The following ESR2 variants were observed in gnomAD, a reference collection of about 807,000 sequenced individuals.
ESR2 encodes estrogen receptor beta.
In ESR2, 36 loss-of-function variants were observed where a neutral mutation model predicts 49.6. That is an observed-to-expected ratio of 0.73 (90% confidence interval 0.56 to 0.96). The LOEUF (loss-of-function observed/expected upper bound fraction) is 0.96, where lower values mean the gene tolerates loss of function less well. ESR2 is among the 40% of genes least tolerant of loss of function. The probability of loss-of-function intolerance (pLI) is 0.00; values close to 1 mark genes in which losing one functional copy is unlikely to be tolerated. For missense variants in ESR2, 714 were observed against 693.0 expected (o/e 1.03, Z -0.34); for synonymous variants, 320 against 266.1 (o/e 1.20, Z -1.97).
chr14:64,307,200 A>AATTT (rs755253492), intron 1 of ESR2, among the ~76,000 whole-genome samples: 2,187 of 150,846 alleles, frequency 0.014, 61 homozygotes, highest in East Asian at 0.088. Context: ...AATTTAATTT[A>AATTT]ATTTATTTAT....
intron 6 of ESR2, among the ~76,000 whole-genome samples, chr14:64,256,394 A>G (rs2076095805): frequency 1.3e-5 from 2 of 152,114 alleles, no homozygotes; most frequent in Admixed American, 1.3e-4. Context: ...CCTTCCTTCC[A>G]CCGCTATTGC....
At chr14:64,296,636 G>T (rs530723905), upstream of ESR2, among the ~76,000 whole-genome samples, 93 of 152,298 alleles carry the variant, frequency 6.1e-4, no homozygotes, top group African/African-American at 2.2e-3. Flanking sequence ...TTGACTCTCT[G>T]CTCTATGCAG....
intron 6 of ESR2, among the ~76,000 whole-genome samples, chr14:64,255,608 A>G (rs987509815): frequency 6.6e-6 from 1 of 152,228 alleles, no homozygotes; most frequent in African/African-American, 2.4e-5. Context: ...ACCTGTAAGC[A>G]GGTTTCTCAA....
chr14:64,252,654 C>T (rs1402247365), intron 6 of ESR2, among the ~76,000 whole-genome samples: 1 of 152,112 alleles, frequency 6.6e-6, no homozygotes, highest in Non-Finnish European at 1.5e-5. Context: ...AGTGACTGAG[C>T]AAGACAGCCG....
At chr14:64,272,102 G>A (rs932704827) in intron 3 of ESR2, among the ~76,000 whole-genome samples, 3 of 152,120 alleles carry the variant, frequency 2.0e-5, no homozygotes, top group South Asian at 2.1e-4. Flanking sequence ...CTACTTTGGG[G>A]TAAGATGGTA....
At position 64,310,010 on chromosome 14, in the gene ESR2, C is replaced by T. The variant is rs374680707; in HGVS notation, c.-90-26935G>A. Among the ~76,000 whole-genome samples, 3 of 151,898 alleles carry T rather than the reference C, an allele frequency of 2.0e-5. No individual in the cohort carries two copies. The East Asian group carries it at 5.8e-4, about 29-fold the overall frequency. On this transcript the variant is annotated intron_variant, in intron 1 of 8. Coordinates refer to the ESR2 transcript ENST00000358599. ...CTGAGACAGGAGAATGGCGTGAACC[C>T]GGGAAGCAGAGTTTGCAGTGAGCCG... is the stretch of plus-strand genomic sequence containing the variant.
chr14:64,234,938 G>A (rs1369678323), intron 8 of ESR2, 32 bp downstream of exon 8: 4 of 1,604,036 alleles, frequency 2.5e-6, no homozygotes, highest in East Asian at 2.2e-5. Flanking sequence ...CCCATCCCAA[G>A]CCCAAGCAGA....
At chr14:64,237,239 C>A (rs531030230) in intron 7 of ESR2, among the ~76,000 whole-genome samples, 1 of 152,166 alleles carries the variant, frequency 6.6e-6, no homozygotes, top group Admixed American at 6.5e-5. Flanking sequence ...GGATTACAAG[C>A]GTGAGCCACT....
intron 1 of ESR2, among the ~76,000 whole-genome samples, chr14:64,310,054 G>A (rs1400667853): frequency 6.6e-6 from 1 of 151,500 alleles, no homozygotes; most frequent in Non-Finnish European, 1.5e-5. Context: ...CCACTGTACT[G>A]CAGCCTGGGC....
At chr14:64,334,318 T>G in intron 1 of ESR2, among the ~76,000 whole-genome samples, 1 of 152,220 alleles carries the variant, frequency 6.6e-6, no homozygotes, top group East Asian at 1.9e-4. Flanking sequence ...TTTGAGACAC[T>G]GATTGACTGA....
rs1239710240 is a variant in ESR2, at chr14:64,264,890, GA to G, written c.652+3904del. Among the ~76,000 whole-genome samples the G allele has an allele frequency of 8.0e-3, 940 of 117,172 alleles. 13 individuals carry two copies. Among genetic ancestry groups the G allele is most frequent in the African/African-American group, 0.027 (819 of 30,754 alleles). The allele number at this position is 117,172 out of a possible 152,430, so 76.9% of individuals were successfully genotyped here. A position where few individuals can be genotyped will look rare whatever the true frequency, so the allele number is the denominator to read the frequency against. ...ATACCCTGTCTCAAAAAAAAAAAAAGAAAAAAAAAAAAGCACCTTTCTGATC... is the reference window on the plus strand; with the variant it reads ...ATACCCTGTCTCAAAAAAAAAAAAAGAAAAAAAAAAAGCACCTTTCTGATC... On this transcript the variant is annotated intron_variant, in intron 4 of 8. Transcript: ENST00000341099.
At chr14:64,300,206 C>G (rs1439772669) in intron 1 of ESR2, among the ~76,000 whole-genome samples, 1 of 152,152 alleles carries the variant, frequency 6.6e-6, no homozygotes, top group Non-Finnish European at 1.5e-5. Context: ...GGGTGTTTTC[C>G]AGATTTGCAC....
chr14:64,248,191 C>T (rs528369283), intron 7 of ESR2, among the ~76,000 whole-genome samples: 1 of 151,858 alleles, frequency 6.6e-6, no homozygotes, highest in South Asian at 2.1e-4. Flanking sequence ...GACACCCTGT[C>T]TCAAAAAGAA....
intron 1 of ESR2, among the ~76,000 whole-genome samples, chr14:64,316,461 T>C (rs750544407): frequency 1.3e-5 from 2 of 152,176 alleles, no homozygotes; most frequent in Non-Finnish European, 2.9e-5. Context: ...TCTAAATTCA[T>C]TTTATGAAAC....
At chr14:64,320,527 A>G (rs1468973569) in intron 1 of ESR2, among the ~76,000 whole-genome samples, 5 of 152,216 alleles carry the variant, frequency 3.3e-5, no homozygotes, top group Non-Finnish European at 5.9e-5. Flanking sequence ...ACTTGTAATT[A>G]TACACTTTTC....
chr14:64,307,290 C>A (rs2077115744), intron 1 of ESR2, among the ~76,000 whole-genome samples: 1 of 151,876 alleles, frequency 6.6e-6, no homozygotes, highest in Admixed American at 6.6e-5. Flanking sequence ...CGGCTCACTG[C>A]AACCTCTGCC....
In ESR2 at chr14:64,235,160, GAATA is replaced by G. The variant is rs1300056200; in HGVS notation, c.1226-14_1226-11del. 2 of 1,608,018 alleles carry G rather than the reference GAATA, an allele frequency of 1.2e-6. No individual in the cohort carries two copies. The highest frequency in any genetic ancestry group is 1.7e-6 in the Non-Finnish European group (2 of 1,176,588). ...ACCAGAGGGTACATACCTGGACAAA[GAATA>G]AAAGCCAGAAGTCATTGCTCTGAGC... On this transcript the variant is annotated splice_polypyrimidine_tract_variant and intron_variant, in intron 7 of 8. Transcript: ENST00000341099.
chr14:64,277,203 G>T (rs1345414912), intron 3 of ESR2, among the ~76,000 whole-genome samples: 2 of 152,274 alleles, frequency 1.3e-5, no homozygotes, highest in East Asian at 1.9e-4. Flanking sequence ...AGCCAACAAA[G>T]TATCAATGGA....
intron 6 of ESR2, among the ~76,000 whole-genome samples, chr14:64,250,439 T>A (rs1488425825): frequency 6.6e-6 from 1 of 152,222 alleles, no homozygotes; most frequent in Non-Finnish European, 1.5e-5. Context: ...AGTAAATTAC[T>A]TGAACTTTAT....
Sources: gnomAD v4.1 joint callset for allele counts (sites outside exome capture counted in the v4.1 genomes callset) on GRCh38, gnomAD v4.1.1 for gene constraint, MANE v1.5 for transcripts, NCBI Gene and HGNC (gene_info 2026-07-23, HGNC 2026-07-21) for gene names.